PDE12: variants seen among roughly 807,000 people sequenced by gnomAD.
The protein encoded by PDE12 is phosphodiesterase 12.
PDE12 carries 26 observed loss-of-function variants against 45.4 expected under a neutral mutation model. That is an observed-to-expected ratio of 0.57 (90% confidence interval 0.42 to 0.79). The LOEUF (loss-of-function observed/expected upper bound fraction) is 0.79, where lower values mean the gene tolerates loss of function less well. Among genes scored for constraint, PDE12 ranks in the 30% least tolerant of loss-of-function variants. The probability of loss-of-function intolerance (pLI) is 0.00; values close to 1 mark genes in which losing one functional copy is unlikely to be tolerated. For missense variants in PDE12, 668 were observed against 790.0 expected (o/e 0.85, Z 1.85); for synonymous variants, 283 against 323.9 (o/e 0.87, Z 1.36).
chr3:57,587,661 A>C, the PDE12 span, among the ~76,000 whole-genome samples: 253 of 152,228 alleles, frequency 1.7e-3, no homozygotes, highest in African/African-American at 5.8e-3. Context: ...TGAGGGCTTT[A>C]AATATATAAT....
chr3:57,631,912 C>T, the PDE12 span, among the ~76,000 whole-genome samples: 13 of 149,670 alleles, frequency 8.7e-5, no homozygotes, highest in South Asian at 4.2e-4. Context: ...TTAGTAGAGA[C>T]GGGGTTTCAC....
chr3:57,559,383 C>A lies in PDE12; in HGVS notation c.1382C>A (p.Pro461His). 2.5e-6 allele frequency: 4 copies of A among 1,609,480 alleles called. No individual in the cohort carries two copies. The highest frequency in any genetic ancestry group is 3.4e-6 in the Non-Finnish European group (4 of 1,175,820). Residue 461 changes from proline to histidine, a missense_variant, in exon 2 of 3, where the codon CCT becomes CAT. By Grantham distance (77) the Pro-to-His change is moderately conservative (BLOSUM62 -2). This residue lies in a region of PDE12 where 580 missense variants were observed against 662.9 expected (regional missense o/e 0.87). Transcript: ENST00000311180. ...GCTAATACCCATCTTTACTGGCATC[C>A]TAAAGGTAGGTTTTATTTGGTATCA... ...CVANTHLYWH[P>H]KGGYIRLIQM...
At chr3:57,596,912 C>A in the PDE12 span, 2 of 692,786 alleles carry the variant, frequency 2.9e-6, no homozygotes, top group Non-Finnish European at 4.8e-6. Context: ...GGATCGCTCA[C>A]CCTCCGCTCC....
the PDE12 span, chr3:57,583,767 G>T: frequency 1.5e-6 from 1 of 682,370 alleles, no homozygotes; most frequent in Non-Finnish European, 2.6e-6. Context: ...ACTGAAGAAT[G>T]TGGAAGTGGT....
chr3:57,611,068 C>T, the PDE12 span, among the ~76,000 whole-genome samples: 1 of 152,042 alleles, frequency 6.6e-6, no homozygotes, highest in Non-Finnish European at 1.5e-5. Context: ...ACAGAGCCCT[C>T]AGAAATAATA....
At chr3:57,656,014 T>G in the PDE12 span, among the ~76,000 whole-genome samples, 51 of 152,256 alleles carry the variant, frequency 3.3e-4, no homozygotes, top group African/African-American at 1.2e-3. Context: ...TTATTCATTT[T>G]GGGGACACTC....
the PDE12 span, among the ~76,000 whole-genome samples, chr3:57,646,603 A>G: frequency 2.6e-5 from 4 of 152,256 alleles, no homozygotes; most frequent in Admixed American, 1.3e-4. Flanking sequence ...GTATAGAGAC[A>G]TAAGTCCCTT....
chr3:57,599,490 T>G, the PDE12 span, among the ~76,000 whole-genome samples: 1 of 152,230 alleles, frequency 6.6e-6, no homozygotes, highest in Non-Finnish European at 1.5e-5. Context: ...AGGGTCTTCT[T>G]AAATTCAAAA....
chr3:57,635,154 G>A, the PDE12 span, among the ~76,000 whole-genome samples: 72 of 152,306 alleles, frequency 4.7e-4, 1 homozygote, highest in African/African-American at 1.7e-3. Context: ...GGAATAGAGA[G>A]CAATTCTTAA....
At chr3:57,615,865 G>C in the PDE12 span, among the ~76,000 whole-genome samples, 3 of 152,184 alleles carry the variant, frequency 2.0e-5, no homozygotes, top group South Asian at 6.2e-4. Context: ...GTGGTTATTT[G>C]AGATCAGTAA....
the PDE12 span, among the ~76,000 whole-genome samples, chr3:57,585,509 T>G: frequency 1.3e-5 from 2 of 152,108 alleles, no homozygotes; most frequent in Admixed American, 1.3e-4. Flanking sequence ...TCACATTACC[T>G]AATGTAAACA....
At chr3:57,633,314 A>G in the PDE12 span, 29 of 1,613,848 alleles carry the variant, frequency 1.8e-5, no homozygotes, top group Admixed American at 8.3e-5. Flanking sequence ...GCGTCGAAGA[A>G]TAACACTTTG....
At chr3:57,568,392 C>T (rs575409912), downstream of PDE12, among the ~76,000 whole-genome samples, 31 of 151,218 alleles carry the variant, frequency 2.1e-4, no homozygotes, top group Non-Finnish European at 3.4e-4. Flanking sequence ...GAGGTTGAGG[C>T]TGCAGTGAGC....
At chr3:57,646,177 G>C in the PDE12 span, 1 of 1,219,232 alleles carries the variant, frequency 8.2e-7, no homozygotes, top group East Asian at 2.5e-5. Context: ...ATTACCTTCT[G>C]ATAGGGTTTT....
At chr3:57,641,675 T>C in the PDE12 span, 1 of 1,612,564 alleles carries the variant, frequency 6.2e-7, no homozygotes, top group Non-Finnish European at 8.5e-7. Flanking sequence ...GGTCTCCTAT[T>C]CGAATAATGT....
the PDE12 span, among the ~76,000 whole-genome samples, chr3:57,624,204 G>A: frequency 1.3e-5 from 2 of 151,504 alleles, no homozygotes; most frequent in Admixed American, 1.3e-4. Context: ...AGGCTGGAGT[G>A]CAGTGGGGCG....
At chr3:57,640,824 G>A in the PDE12 span, among the ~76,000 whole-genome samples, 1 of 151,924 alleles carries the variant, frequency 6.6e-6, no homozygotes, top group Non-Finnish European at 1.5e-5. Flanking sequence ...CTTCTCATAC[G>A]CAAGACTCAT....
the PDE12 span, among the ~76,000 whole-genome samples, chr3:57,610,683 G>A: frequency 6.6e-6 from 1 of 152,182 alleles, no homozygotes; most frequent in Admixed American, 6.5e-5. Flanking sequence ...TACAAGGGAT[G>A]TGAGGGACCT....
the PDE12 span, among the ~76,000 whole-genome samples, chr3:57,605,399 G>C: frequency 6.6e-6 from 1 of 152,112 alleles, no homozygotes; most frequent in Non-Finnish European, 1.5e-5. Flanking sequence ...ACATTGTCCA[G>C]GGTTGGTTGG....
Sources: gnomAD v4.1 joint callset for allele counts (sites outside exome capture counted in the v4.1 genomes callset) on GRCh38, gnomAD v4.1.1 for gene constraint, gnomAD v4.1.1 regional missense constraint, MANE v1.5 for transcripts, NCBI Gene and HGNC (gene_info 2026-07-23, HGNC 2026-07-21) for gene names.